The following ITFG1 variants were observed in gnomAD, a reference collection of about 807,000 sequenced individuals.
ITFG1 encodes integrin alpha FG-GAP repeat containing 1.
Under a neutral mutation model 81.8 loss-of-function variants are expected in ITFG1, and 34 were observed. The observed-to-expected ratio is 0.42, with a 90% CI of 0.32 to 0.55. The LOEUF is 0.55. Among genes scored for constraint, ITFG1 ranks in the 20% least tolerant of loss-of-function variants. The pLI, the probability that ITFG1 is intolerant of heterozygous loss-of-function variation, is 0.17. For synonymous variants in ITFG1, 285 were observed against 270.6 expected (o/e 1.05, Z -0.52); for missense variants, 672 against 755.4 (o/e 0.89, Z 1.29).
At chr16:47,460,748 CAGA>C (rs1969523532) in intron 1 of ITFG1, 87 bp downstream of exon 1, 1 of 1,381,520 alleles carries the variant, frequency 7.2e-7, no homozygotes, top group African/African-American at 1.4e-5. Flanking sequence ...CCAGGAAATG[CAGA>C]AGGACCGGCC....
At position 47,181,605 on chromosome 16, in the gene ITFG1, A is replaced by AG. The variant is rs1305925211; in HGVS notation, c.1454-18942dup. 3.3e-4 allele frequency among the ~76,000 whole-genome samples: 49 copies of AG among 147,738 alleles called. 1 individual carries two copies. The highest frequency in any genetic ancestry group is 7.0e-4 in the Non-Finnish European group (47 of 66,736). On this transcript the variant is annotated intron_variant, in intron 14 of 17. Transcript: ENST00000320640. ...AGCCGCCCCGTCCAGGAGGGAGGTGAGGGGCGCCTCTGCCCGGCCGCCCCT... is the reference window on the plus strand; with the variant it reads ...AGCCGCCCCGTCCAGGAGGGAGGTGAGGGGGCGCCTCTGCCCGGCCGCCCCT...
chr16:47,264,294 C>A (rs1209593137), intron 10 of ITFG1, among the ~76,000 whole-genome samples: 2 of 151,888 alleles, frequency 1.3e-5, no homozygotes, highest in Non-Finnish European at 2.9e-5. Flanking sequence ...TAATATTTTT[C>A]TTTCCACTAC....
At chr16:47,298,017 A>C (rs1967010718) in intron 10 of ITFG1, among the ~76,000 whole-genome samples, 1 of 151,860 alleles carries the variant, frequency 6.6e-6, no homozygotes, top group African/African-American at 2.4e-5. Context: ...GTCTTTGTTC[A>C]TTTTTTTCTT....
At chr16:47,369,685 A>G (rs1277976077) in intron 7 of ITFG1, among the ~76,000 whole-genome samples, 1 of 152,004 alleles carries the variant, frequency 6.6e-6, no homozygotes, top group Non-Finnish European at 1.5e-5. Context: ...ATACTGTACT[A>G]TTTTTTAAAA....
chr16:47,368,207 C>T (rs1361311357), intron 7 of ITFG1, among the ~76,000 whole-genome samples: 5 of 144,206 alleles, frequency 3.5e-5, no homozygotes, highest in Non-Finnish European at 7.5e-5. Context: ...GCACTCCAGC[C>T]TGGGTGACAG....
chr16:47,303,739 C>T (rs1043051000), intron 10 of ITFG1, among the ~76,000 whole-genome samples: 4 of 152,136 alleles, frequency 2.6e-5, no homozygotes, highest in Non-Finnish European at 5.9e-5. Flanking sequence ...TCCTCCTACT[C>T]AGGCCTCCTG....
chr16:47,393,990 A>T (rs1347461544), intron 6 of ITFG1, among the ~76,000 whole-genome samples: 1 of 152,198 alleles, frequency 6.6e-6, no homozygotes, highest in African/African-American at 2.4e-5. Flanking sequence ...TCAACTTTTT[A>T]AAATACTTGG....
chr16:47,259,476 T>C (rs1168422353), intron 11 of ITFG1, among the ~76,000 whole-genome samples: 2 of 152,310 alleles, frequency 1.3e-5, no homozygotes, highest in East Asian at 1.9e-4. Flanking sequence ...ATTACTTTTA[T>C]GGTTGGAATC....
At chr16:47,338,949 C>T (rs1967745802) in intron 8 of ITFG1, among the ~76,000 whole-genome samples, 1 of 152,150 alleles carries the variant, frequency 6.6e-6, no homozygotes, top group Non-Finnish European at 1.5e-5. Flanking sequence ...TCGCCACTTC[C>T]CTACTACTAT....
chr16:47,295,608 A>C (rs1966970480), intron 10 of ITFG1, among the ~76,000 whole-genome samples: 2 of 152,164 alleles, frequency 1.3e-5, no homozygotes. Flanking sequence ...AGTTGTTCAT[A>C]GTATTCTCTG....
At chr16:47,359,738 G>A (rs960796555) in intron 8 of ITFG1, among the ~76,000 whole-genome samples, 1 of 152,092 alleles carries the variant, frequency 6.6e-6, no homozygotes, top group African/African-American at 2.4e-5. Flanking sequence ...TATGTGTTCC[G>A]TCTGCATGGA....
intron 8 of ITFG1, among the ~76,000 whole-genome samples, chr16:47,327,577 C>G (rs1411034561): frequency 6.6e-6 from 1 of 152,158 alleles, no homozygotes; most frequent in African/African-American, 2.4e-5. Context: ...ACCTACTCAT[C>G]TGACAAAGGG....
At chr16:47,400,834 A>G (rs1263530350) in intron 6 of ITFG1, among the ~76,000 whole-genome samples, 1 of 152,148 alleles carries the variant, frequency 6.6e-6, no homozygotes, top group Non-Finnish European at 1.5e-5. Context: ...TTACGGCTAG[A>G]GCACTTGGCG....
At chr16:47,340,265 A>G (rs1408027639) in intron 8 of ITFG1, among the ~76,000 whole-genome samples, 1 of 152,222 alleles carries the variant, frequency 6.6e-6, no homozygotes, top group Admixed American at 6.5e-5. Flanking sequence ...CAAGTATAAA[A>G]GCCAGTATTA....
chr16:47,303,188 G>A (rs959829228), intron 10 of ITFG1, among the ~76,000 whole-genome samples: 20 of 151,952 alleles, frequency 1.3e-4, no homozygotes, highest in East Asian at 1.9e-4. Context: ...GGAGAATGGC[G>A]TGAACCCAGG....
At chr16:47,251,884 A>C (rs983483363) in intron 12 of ITFG1, among the ~76,000 whole-genome samples, 1 of 152,232 alleles carries the variant, frequency 6.6e-6, no homozygotes, top group African/African-American at 2.4e-5. Context: ...TACTGTACTC[A>C]CATCTTTTCA....
At chr16:47,235,812 A>C (rs1026373347) in intron 13 of ITFG1, among the ~76,000 whole-genome samples, 2 of 152,232 alleles carry the variant, frequency 1.3e-5, no homozygotes, top group African/African-American at 4.8e-5. Context: ...TTTTTCAAGA[A>C]GTAAATAATT....
intron 14 of ITFG1, chr16:47,162,891 C>T (rs1425375026): frequency 6.8e-6 from 2 of 293,698 alleles, no homozygotes; most frequent in African/African-American, 2.2e-5. Context: ...TGCACTGAGC[C>T]TTGACCTCTC....
At chr16:47,319,196 C>T (rs1967410703) in intron 8 of ITFG1, among the ~76,000 whole-genome samples, 1 of 152,204 alleles carries the variant, frequency 6.6e-6, no homozygotes, top group Non-Finnish European at 1.5e-5. Flanking sequence ...CAAAAATTCA[C>T]ATTTGTTGCT....
Sources: gnomAD v4.1 joint callset for allele counts (sites outside exome capture counted in the v4.1 genomes callset) on GRCh38, gnomAD v4.1.1 for gene constraint, MANE v1.5 for transcripts, NCBI Gene and HGNC (gene_info 2026-07-23, HGNC 2026-07-21) for gene names.